PPP1R3F: variants seen among roughly 807,000 people sequenced by gnomAD.
PPP1R3F encodes the protein protein phosphatase 1, regulatory (inhibitor) subunit 3F.
PPP1R3F carries 29 observed loss-of-function variants against 24.2 expected under a neutral mutation model. The observed-to-expected ratio is 1.20, with a 90% CI of 0.89 to 1.63. The LOEUF is 1.63. PPP1R3F is among the 40% of genes most tolerant of loss of function. The probability of loss-of-function intolerance (pLI) is 0.00; values close to 1 mark genes in which losing one functional copy is unlikely to be tolerated. For missense variants in PPP1R3F, 823 were observed against 729.3 expected (o/e 1.13, Z -1.48); for synonymous variants, 363 against 340.1 (o/e 1.07, Z -0.74).
chrX:49,282,132 C>T lies in PPP1R3F; in HGVS notation c.1143+69C>T, dbSNP rs1219024386. 10 of 894,934 alleles carry T rather than the reference C, an allele frequency of 1.1e-5. No individual in the cohort carries two copies. In the African/African-American group the frequency reaches 1.6e-4, roughly 14 times the overall value. 73.8% of individuals were successfully genotyped at this position (894,934 alleles called of 1,213,427 possible). A position where few individuals can be genotyped will look rare whatever the true frequency, so the allele number is the denominator to read the frequency against. ...GGCTCACAGTGTGACTATTGCTGGG[C>T]TGGGTGGTGGGGCCCACTAGCTCTG... On this transcript the variant is annotated intron_variant, in intron 3 of 3. Coordinates refer to ENST00000055335, the MANE Select transcript of PPP1R3F (RefSeq NM_033215.5).
chrX:49,278,259 A>G (rs1422265166), intron 1 of PPP1R3F, among the ~76,000 whole-genome samples: 1 of 112,107 alleles, frequency 8.9e-6, no homozygotes, highest in Non-Finnish European at 1.9e-5. Flanking sequence ...ATGGAGGAGA[A>G]GGCTTGCCTG....
chrX:49,298,778 C>T (rs1444095628), intron 3 of PPP1R3F, among the ~76,000 whole-genome samples: 1 of 110,511 alleles, frequency 9.0e-6, no homozygotes, highest in African/African-American at 3.3e-5. Context: ...GATATCCTTT[C>T]TTCCGCTTGA....
chrX:49,292,891 G>A (rs781988211), downstream of PPP1R3F, among the ~76,000 whole-genome samples: 12 of 112,070 alleles, frequency 1.1e-4, no homozygotes, highest in African/African-American at 1.9e-4. Context: ...GAGCCGAGGC[G>A]TTGAGAAAGT....
At chrX:49,294,679 G>T (rs782036390) in intron 3 of PPP1R3F, among the ~76,000 whole-genome samples, 3 of 109,033 alleles carry the variant, frequency 2.8e-5, no homozygotes, top group East Asian at 5.8e-4. Flanking sequence ...AGAGGCTGAG[G>T]GGGGGTGGAT....
intron 1 of PPP1R3F, among the ~76,000 whole-genome samples, chrX:49,272,625 C>G: frequency 8.9e-6 from 1 of 112,979 alleles, no homozygotes; most frequent in Non-Finnish European, 1.9e-5. Context: ...TCCTTCTCTG[C>G]TAAGGGAAAT....
chrX:49,284,713 G>A (rs938922543), intron 3 of PPP1R3F, among the ~76,000 whole-genome samples: 1 of 110,543 alleles, frequency 9.0e-6, no homozygotes, highest in African/African-American at 3.3e-5. Flanking sequence ...GTTTCACCAT[G>A]TTGGCCAGGC....
At chrX:49,275,864 G>A (rs868929869) in intron 1 of PPP1R3F, 5 of 112,025 alleles carry the variant, frequency 4.5e-5, no homozygotes, top group Middle Eastern at 4.6e-3. Flanking sequence ...TCCGTCACTG[G>A]GGCTGATGCA....
intron 3 of PPP1R3F, among the ~76,000 whole-genome samples, chrX:49,294,647 C>T (rs1484706569): frequency 1.5e-4 from 16 of 109,244 alleles, no homozygotes; most frequent in Admixed American, 5.9e-4. Flanking sequence ...GGGTGGCTCA[C>T]GCCTGTAATC....
In PPP1R3F at chrX:49,270,734, C is replaced by A. The variant is rs2066173363; in HGVS notation, c.865C>A (p.Pro289Thr). 2 of 1,204,140 alleles carry A rather than the reference C, an allele frequency of 1.7e-6. No individual in the cohort carries two copies. The highest frequency in any genetic ancestry group is 1.7e-5 in the African/African-American group (1 of 57,443). ...RNYTVLLRIAPAPTPTDAEGL... is the reference protein window; with the variant it reads ...RNYTVLLRIATAPTPTDAEGL... ...CTACACAGTCCTGCTCCGGATCGCA[C>A]CCGCTCCCACACCCACTGATGCCGA... Residue 289 changes from proline (P) to threonine (T), a missense_variant, in exon 1 of 4, where the codon CCC becomes ACC. Transcript: ENST00000055335.
intron 1 of PPP1R3F, chrX:49,275,214 G>T (rs2066205392): frequency 9.0e-6 from 1 of 111,443 alleles, no homozygotes; most frequent in South Asian, 3.7e-4. Flanking sequence ...GATTCTGCAG[G>T]TGGTTTTTTA....
At chrX:49,276,034 C>T (rs954475495) in intron 1 of PPP1R3F, among the ~76,000 whole-genome samples, 2 of 112,556 alleles carry the variant, frequency 1.8e-5, no homozygotes, top group Non-Finnish European at 3.8e-5. Flanking sequence ...TTAATGTGAA[C>T]GTGATCCTCT....
Position 49,270,422 on chromosome X carries a change from C to CA in PPP1R3F, c.554dup (p.His185GlnfsTer67). The stretch of plus-strand genomic sequence containing the variant: ...GAAGGCGGTGCACGTGCGGGCCTCA[C>CA]ACGACGGCTGGGCTTCCTTTTGCGA... On this transcript the variant is annotated frameshift_variant, in exon 1 of 4. Coordinates refer to ENST00000055335, the MANE Select transcript of PPP1R3F (RefSeq NM_033215.5). LOFTEE classifies it high-confidence loss of function. The CA allele has an allele frequency of 8.4e-7, 1 of 1,187,884 alleles. No homozygotes were observed. Among genetic ancestry groups the CA allele is most frequent in the Non-Finnish European group, 1.1e-6 (1 of 889,006 alleles).
In PPP1R3F at chrX:49,270,527, C is replaced by A. The variant is rs1557118907; in HGVS notation, c.658C>A (p.Pro220Thr). 8.3e-7 allele frequency: 1 copy of A among 1,205,381 alleles called. No homozygotes were observed. The highest frequency in any genetic ancestry group is 3.0e-5 in the East Asian group (1 of 33,786). The part of the protein sequence containing the change: ...GTGAGDPILD[P>T]GLGLGPGQAS... Reference sequence around the variant, plus strand: ...AGGAGCAGGAGATCCCATCCTGGATCCGGGGCTCGGCCTGGGTCCCGGCCA... The same window carrying A: ...AGGAGCAGGAGATCCCATCCTGGATACGGGGCTCGGCCTGGGTCCCGGCCA... Residue 220 changes from proline to threonine, a missense_variant, in exon 1 of 4, where the codon CCG becomes ACG. Physicochemically the swap from Pro to Thr is conservative, Grantham distance 38. Transcript: ENST00000055335.
chrX:49,285,707 T>A, intron 3 of PPP1R3F, 127 bp from the exon 4 acceptor site: 2 of 693,545 alleles, frequency 2.9e-6, no homozygotes, highest in Non-Finnish European at 4.0e-6. Context: ...AAGGCATTTT[T>A]ATATAGAAAC....
intron 1 of PPP1R3F, among the ~76,000 whole-genome samples, chrX:49,279,019 G>A (rs2066231158): frequency 8.9e-6 from 1 of 112,345 alleles, no homozygotes; most frequent in Non-Finnish European, 1.9e-5. Context: ...TTTATCCTCT[G>A]TAAAATGGAG....
At position 49,287,114 on chromosome X, in the gene PPP1R3F, G is replaced by T; in HGVS notation, c.*24G>T. ...AGGCTCTGCTTGTGGGATCAGCAGA[G>T]GCTTAAGATGGGATACATGGCCTGT... On this transcript the variant is annotated 3_prime_UTR_variant, in exon 4 of 4. Transcript: ENST00000055335. The T allele has an allele frequency of 8.4e-7, 1 of 1,197,513 alleles. No individual in the cohort carries two copies. The highest frequency in any genetic ancestry group is 1.1e-6 in the Non-Finnish European group (1 of 886,812).
intron 1 of PPP1R3F, chrX:49,275,234 T>C (rs1309808564): frequency 9.0e-6 from 1 of 111,570 alleles, no homozygotes; most frequent in Non-Finnish European, 1.9e-5. Flanking sequence ...AGTTTTCCTC[T>C]TGAAGTGGTT....
intron 3 of PPP1R3F, among the ~76,000 whole-genome samples, chrX:49,299,028 G>A (rs1455548431): frequency 9.1e-6 from 1 of 110,248 alleles, no homozygotes; most frequent in African/African-American, 3.3e-5. Context: ...ACTCATTCTC[G>A]GTCCAGTTTT....
downstream of PPP1R3F, among the ~76,000 whole-genome samples, chrX:49,288,787 A>G (rs2066300551): frequency 8.9e-6 from 1 of 112,040 alleles, no homozygotes; most frequent in South Asian, 3.7e-4. Context: ...ACAAATAAAA[A>G]TAATTCTAAG....
Sources: gnomAD v4.1 joint callset for allele counts (sites outside exome capture counted in the v4.1 genomes callset) on GRCh38, gnomAD v4.1.1 for gene constraint, MANE v1.5 for transcripts, NCBI Gene and HGNC (gene_info 2026-07-23, HGNC 2026-07-21) for gene names.